YWHAE: variants seen among roughly 807,000 people sequenced by gnomAD.
YWHAE encodes tyrosine 3-monooxygenase/tryptophan 5-monooxygenase activation protein epsilon.
Under a neutral mutation model 30.1 loss-of-function variants are expected in YWHAE, and 4 were observed. That is an observed-to-expected ratio of 0.13 (90% CI 0.07 to 0.30). The LOEUF is 0.30. Among genes scored for constraint, YWHAE ranks in the 10% least tolerant of loss-of-function variants. The pLI, the probability that YWHAE is intolerant of heterozygous loss-of-function variation, is 1.00. For missense variants in YWHAE, 121 were observed against 315.9 expected, an observed-to-expected ratio of 0.38 and a Z score of 4.68; for synonymous variants, 118 against 111.8, an observed-to-expected ratio of 1.06 and a Z score of -0.35.
Position 1,364,847 on chromosome 17 carries a change from C to T in YWHAE, c.264+12G>A. The T allele has an allele frequency of 5.0e-6, 8 of 1,613,928 alleles. No homozygotes were observed. Among genetic ancestry groups the T allele is most frequent in the Middle Eastern group, 1.7e-4 (1 of 6,056 alleles). Reference sequence around the variant, plus strand: ...CTGTGGATAAGGGGGGATGATGGCACAACAATCTCACCATTTGCCGATATT... The same window carrying T: ...CTGTGGATAAGGGGGGATGATGGCATAACAATCTCACCATTTGCCGATATT... On this transcript the variant is annotated intron_variant, in intron 2 of 5. Transcript: ENST00000264335.
chr17:1,395,370 A>G (rs2073453077), intron 1 of YWHAE, among the ~76,000 whole-genome samples: 1 of 152,096 alleles, frequency 6.6e-6, no homozygotes. Context: ...TCTACTAAAA[A>G]TACAAAAAAT....
At chr17:1,360,791 A>G (rs1369165438) in intron 4 of YWHAE, among the ~76,000 whole-genome samples, 1 of 152,100 alleles carries the variant, frequency 6.6e-6, no homozygotes, top group East Asian at 1.9e-4. Context: ...CTGAAAACTA[A>G]TATAACAAAA....
chr17:1,381,663 C>T (rs1320324135), intron 1 of YWHAE, among the ~76,000 whole-genome samples: 1 of 152,048 alleles, frequency 6.6e-6, no homozygotes, highest in Non-Finnish European at 1.5e-5. Flanking sequence ...GGCCTGTAAT[C>T]CCAGCACTTT....
chr17:1,359,903 GAGAGAGGGAGAC>G (rs1465778235), intron 4 of YWHAE, among the ~76,000 whole-genome samples: 3 of 118,976 alleles, frequency 2.5e-5, no homozygotes, highest in Admixed American at 8.7e-5. Flanking sequence ...GAGACGGGGA[GAGAGAGGGAGAC>G]GGGGAGGGGG....
intron 5 of YWHAE, among the ~76,000 whole-genome samples, chr17:1,353,014 T>C (rs1435632375): frequency 1.3e-5 from 2 of 152,214 alleles, no homozygotes; most frequent in Non-Finnish European, 2.9e-5. Flanking sequence ...AGACAGAGAA[T>C]AAAATTTCCT....
intron 5 of YWHAE, chr17:1,347,896 CGCAG>C: frequency 1.1e-6 from 1 of 917,894 alleles, no homozygotes; most frequent in South Asian, 5.1e-5. Flanking sequence ...GACGATCATA[CGCAG>C]GCATGATTAG....
rs111507954 is a variant in YWHAE at position 1,369,489 on chromosome 17, G to A, written c.65-4431C>T. Among the ~76,000 whole-genome samples, 37 of 152,238 alleles carry A rather than the reference G, an allele frequency of 2.4e-4. 1 individual carries two copies. Among genetic ancestry groups the A allele is most frequent in the African/African-American group, 8.9e-4 (37 of 41,532 alleles). On this transcript the variant is annotated intron_variant, in intron 1 of 5. Coordinates refer to ENST00000264335, the MANE Select transcript of YWHAE (RefSeq NM_006761.5). ...AGCCTGGGTAACAGAGAGAGACTCC[G>A]TCTCCAAAAAATAAATAAACTGTAC... is the stretch of plus-strand genomic sequence containing the variant.
intron 5 of YWHAE, among the ~76,000 whole-genome samples, chr17:1,346,612 G>T (rs1005563985): frequency 5.9e-5 from 9 of 152,140 alleles, no homozygotes. Flanking sequence ...TCTCTTCTGC[G>T]GCGGAAACGC....
At chr17:1,386,283 C>T (rs1461566304) in intron 1 of YWHAE, among the ~76,000 whole-genome samples, 2 of 152,166 alleles carry the variant, frequency 1.3e-5, no homozygotes, top group East Asian at 1.9e-4. Flanking sequence ...TAACATGGGA[C>T]ACCCAGCAAC....
At chr17:1,370,322 G>A (rs151325371) in intron 1 of YWHAE, among the ~76,000 whole-genome samples, 24,658 of 151,142 alleles carry the variant, frequency 0.16, 2,209 homozygotes, top group South Asian at 0.28. Context: ...TAGTAGAGGC[G>A]GGGTTTCACC....
chr17:1,374,163 A>T (rs974875666), intron 1 of YWHAE, among the ~76,000 whole-genome samples: 3 of 152,066 alleles, frequency 2.0e-5, no homozygotes, highest in South Asian at 2.1e-4. Context: ...AAATACAAAA[A>T]TTAGGCTGCC....
At chr17:1,396,346 C>T (rs547239409) in intron 1 of YWHAE, among the ~76,000 whole-genome samples, 6 of 152,212 alleles carry the variant, frequency 3.9e-5, no homozygotes, top group African/African-American at 9.6e-5. Flanking sequence ...ATCGCTTGAA[C>T]CCTGGAGGCG....
At chr17:1,383,683 C>T (rs932462239) in intron 1 of YWHAE, among the ~76,000 whole-genome samples, 4 of 152,126 alleles carry the variant, frequency 2.6e-5, no homozygotes, top group East Asian at 3.9e-4. Context: ...CCACTGCACC[C>T]GGCCCTTGTT....
At chr17:1,387,867 C>A (rs1009156542) in intron 1 of YWHAE, among the ~76,000 whole-genome samples, 2 of 151,356 alleles carry the variant, frequency 1.3e-5, no homozygotes, top group African/African-American at 4.9e-5. Flanking sequence ...CTCAGGTGAT[C>A]CACCCTTCTT....
chr17:1,395,093 G>A (rs538683930), intron 1 of YWHAE, among the ~76,000 whole-genome samples: 7 of 145,232 alleles, frequency 4.8e-5, no homozygotes, highest in Admixed American at 3.5e-4. Flanking sequence ...AGTCATCCAT[G>A]AAAAAAAAAA....
Position 1,350,336 on chromosome 17 carries a change from AC to A in YWHAE, c.715+3874del, listed in dbSNP as rs1389520519. 1.6e-4 allele frequency among the ~76,000 whole-genome samples: 25 copies of A among 152,330 alleles called. 1 individual carries two copies. The highest frequency in any genetic ancestry group is 6.5e-4 in the Admixed American group (10 of 15,290). On this transcript the variant is annotated intron_variant, in intron 5 of 5. Coordinates refer to ENST00000264335, the MANE Select transcript of YWHAE (RefSeq NM_006761.5). The stretch of plus-strand genomic sequence containing the variant: ...GGATTATCTTTAGTTCTGTACATAG[AC>A]TGACAGGTAGTCTACTTTGATTAAT...
chr17:1,389,825 T>C (rs2150875802), intron 1 of YWHAE, among the ~76,000 whole-genome samples: 1 of 150,300 alleles, frequency 6.7e-6, no homozygotes. Flanking sequence ...CCACCGTACC[T>C]GGCCAATTAT....
chr17:1,388,202 C>G (rs1271567234), intron 1 of YWHAE, among the ~76,000 whole-genome samples: 3 of 133,836 alleles, frequency 2.2e-5, no homozygotes. Context: ...ACCTCGTGAT[C>G]TGCCCTCCTC....
intron 1 of YWHAE, among the ~76,000 whole-genome samples, chr17:1,370,167 A>G (rs1168721575): frequency 5.8e-5 from 7 of 119,926 alleles, no homozygotes; most frequent in Admixed American, 1.3e-4. Context: ...TCGCTCTGTC[A>G]CCAGGCTGGA....
Sources: allele counts gnomAD v4.1 joint callset (sites outside exome capture counted in the v4.1 genomes callset), GRCh38; gene constraint gnomAD v4.1.1; transcripts MANE v1.5; gene names NCBI Gene and HGNC (gene_info 2026-07-23, HGNC 2026-07-21).